DAAM1: variants seen among roughly 807,000 people sequenced by gnomAD.
DAAM1 encodes dishevelled associated activator of morphogenesis 1.
Under a neutral mutation model 130.0 loss-of-function variants are expected in DAAM1, and 52 were observed. That is an observed-to-expected ratio of 0.40 (90% confidence interval 0.32 to 0.50). The LOEUF is 0.50. Among genes scored for constraint, DAAM1 ranks in the 20% least tolerant of loss-of-function variants. The pLI is 0.61. For missense variants in DAAM1, 1,134 were observed against 1,303.8 expected (o/e 0.87, Z 2.01); for synonymous variants, 452 against 444.5 (o/e 1.02, Z -0.21).
intron 21 of DAAM1, 61 bp from the exon 22 acceptor site, chr14:59,360,741 A>C (rs1319650323): frequency 4.2e-6 from 6 of 1,436,382 alleles, no homozygotes; most frequent in Non-Finnish European, 5.7e-6. Context: ...ATTTAAACCC[A>C]TCTTATATTT....
chr14:59,218,830 A>G (rs540393072), intron 1 of DAAM1, among the ~76,000 whole-genome samples: 4 of 152,172 alleles, frequency 2.6e-5, no homozygotes, highest in Non-Finnish European at 5.9e-5. Context: ...TGAATTCACA[A>G]GTTATAAATT....
chr14:59,331,991 C>T (rs908630494), intron 15 of DAAM1, 71 bp downstream of exon 15: 1 of 1,319,098 alleles, frequency 7.6e-7, no homozygotes, highest in African/African-American at 1.5e-5. Context: ...TCTGGCCCAT[C>T]AGCCATGGCC....
intron 3 of DAAM1, among the ~76,000 whole-genome samples, chr14:59,294,961 C>T (rs1398953161): frequency 6.6e-6 from 1 of 152,200 alleles, no homozygotes; most frequent in African/African-American, 2.4e-5. Context: ...AAGAAATCAT[C>T]TTTAATTGCT....
intron 1 of DAAM1, among the ~76,000 whole-genome samples, chr14:59,216,864 T>C (rs992661646): frequency 3.3e-5 from 5 of 152,264 alleles, no homozygotes; most frequent in African/African-American, 1.2e-4. Context: ...GTTACCTCAA[T>C]TGGAACTATA....
At chr14:59,221,386 T>G (rs1888767151) in intron 1 of DAAM1, among the ~76,000 whole-genome samples, 2 of 152,236 alleles carry the variant, frequency 1.3e-5, no homozygotes, top group Non-Finnish European at 2.9e-5. Flanking sequence ...CTCATGGTAA[T>G]TACAATCTTC....
chr14:59,361,931 T>G (rs573582893), intron 22 of DAAM1, among the ~76,000 whole-genome samples: 33 of 145,890 alleles, frequency 2.3e-4, no homozygotes, highest in Middle Eastern at 3.4e-3. Context: ...AGTAGTTGAA[T>G]TAATTAAAGA....
chr14:59,257,155 G>T (rs948537897), intron 1 of DAAM1, among the ~76,000 whole-genome samples: 1 of 152,092 alleles, frequency 6.6e-6, no homozygotes, highest in Non-Finnish European at 1.5e-5. Context: ...GATCTGATTG[G>T]CTTCAAATGT....
chr14:59,264,387 A>T (rs1365316535), intron 2 of DAAM1: 1 of 152,182 alleles, frequency 6.6e-6, no homozygotes, highest in African/African-American at 2.4e-5. Flanking sequence ...CTAGCATAGG[A>T]CTTAGGAAGA....
chr14:59,348,916 T>C (rs60843766), intron 17 of DAAM1, among the ~76,000 whole-genome samples: 8,316 of 152,264 alleles, frequency 0.055, 724 homozygotes, highest in African/African-American at 0.19. Context: ...GGAGAAACTC[T>C]TCATGCTGTC....
intron 2 of DAAM1, among the ~76,000 whole-genome samples, chr14:59,268,952 C>T (rs563268259): frequency 6.6e-6 from 1 of 152,354 alleles, no homozygotes; most frequent in East Asian, 1.9e-4. Context: ...CGTGACAACT[C>T]TATAAATCGT....
intron 1 of DAAM1, among the ~76,000 whole-genome samples, chr14:59,259,128 G>A (rs1253011): frequency 0.87 from 132,826 of 152,214 alleles, 58,974 homozygotes; most frequent in East Asian, 1. Flanking sequence ...GAAACTTGTA[G>A]CATGCAAAAG....
intron 2 of DAAM1, chr14:59,263,922 T>G: frequency 2.0e-6 from 1 of 510,368 alleles, no homozygotes; most frequent in Non-Finnish European, 3.6e-6. Flanking sequence ...TCTTCAAATA[T>G]GTGGCAGTAC....
At chr14:59,326,171 G>T in intron 10 of DAAM1, 94 bp downstream of exon 10, 1 of 1,164,958 alleles carries the variant, frequency 8.6e-7, no homozygotes, top group Non-Finnish European at 1.3e-6. Flanking sequence ...TACATTGGGT[G>T]CACACCAGGG....
chr14:59,260,641 T>C lies in DAAM1; in HGVS notation c.-37-2800T>C, dbSNP rs185907643. On this transcript the variant is annotated intron_variant, in intron 1 of 24. Transcript: ENST00000360909. ...CCTTATTTGCTCTTGCAGATAATGC[T>C]TTGGAAATTTCTGTGAAAACATTTT... Among the ~76,000 whole-genome samples, 43 of 152,382 alleles carry C rather than the reference T, an allele frequency of 2.8e-4. No homozygotes were observed. The East Asian group carries it at 7.5e-3, about 27-fold the overall frequency.
chr14:59,243,763 T>C (rs762939537), intron 1 of DAAM1, among the ~76,000 whole-genome samples: 2 of 152,144 alleles, frequency 1.3e-5, no homozygotes, highest in African/African-American at 4.8e-5. Flanking sequence ...AGCTGTTTCA[T>C]ATATTTTGCC....
intron 1 of DAAM1, among the ~76,000 whole-genome samples, chr14:59,246,993 A>G (rs1402476331): frequency 6.6e-6 from 1 of 152,110 alleles, no homozygotes; most frequent in Non-Finnish European, 1.5e-5. Flanking sequence ...ATTTTTATGT[A>G]TATTTTCTTT....
At chr14:59,368,238 G>A (rs897692231) in intron 24 of DAAM1, among the ~76,000 whole-genome samples, 5 of 137,920 alleles carry the variant, frequency 3.6e-5, no homozygotes, top group African/African-American at 1.5e-4. Flanking sequence ...CAGGTTTCAG[G>A]CTTCCACAGT....
chr14:59,330,813 A>T (rs543115622), intron 13 of DAAM1, 125 bp downstream of exon 13: 31 of 987,882 alleles, frequency 3.1e-5, no homozygotes, highest in Non-Finnish European at 4.0e-5. Context: ...ATTCATCACA[A>T]TTAGGAGACT....
chr14:59,330,051 A>T (rs188372700), intron 12 of DAAM1, among the ~76,000 whole-genome samples: 1 of 152,324 alleles, frequency 6.6e-6, no homozygotes, highest in East Asian at 1.9e-4. Flanking sequence ...GGCTGGTTGG[A>T]TGTGAGCTGG....
Sources: allele counts gnomAD v4.1 joint callset (sites outside exome capture counted in the v4.1 genomes callset), GRCh38; gene constraint gnomAD v4.1.1; transcripts MANE v1.5; gene names NCBI Gene and HGNC (gene_info 2026-07-23, HGNC 2026-07-21).